Variants in ARHGEF4 observed in about 807,000 individuals in gnomAD.
The protein encoded by ARHGEF4 is Rho guanine nucleotide exchange factor 4, also known as APC-stimulated guanine nucleotide exchange factor 1.
In ARHGEF4, 119 loss-of-function variants were observed where a neutral mutation model predicts 162.0. That is an observed-to-expected ratio of 0.73 (90% CI 0.63 to 0.86). ARHGEF4 has a LOEUF of 0.86. ARHGEF4 is among the 40% of genes least tolerant of loss of function. ARHGEF4 has a pLI of 0.00. For missense variants in ARHGEF4, 2,488 were observed against 2,456.0 expected, an observed-to-expected ratio of 1.01 and a Z score of -0.28; for synonymous variants, 1,014 against 979.9, an observed-to-expected ratio of 1.03 and a Z score of -0.65.
chr2:131,039,581 A>T, intron 6 of ARHGEF4: 1 of 1,036,590 alleles, frequency 9.6e-7, no homozygotes, highest in Non-Finnish European at 1.2e-6. Flanking sequence ...CCTGGTGTTC[A>T]GATGCTCCTC....
chr2:130,915,798 C>G lies in ARHGEF4; in HGVS notation c.1852C>G (p.Pro618Ala). The change falls in exon 2 of 14, where the codon CCC becomes GCC. Residue 618 changes from proline (P) to alanine (A), a missense_variant. By Grantham distance (27) the Pro-to-Ala change is conservative. This residue lies in a region of ARHGEF4 where 1,642 missense variants were observed against 1,481.5 expected (regional missense o/e 1.11). Coordinates refer to ENST00000409359, the MANE Select transcript of ARHGEF4 (RefSeq NM_001367493.1). ...GGGTGCCGGGGGCCGGCAGCTGGAG[C>G]CCAAAGCAGGCGGCGAGGCCTCGAG... ...PGGAGGRQLE[P>A]KAGGEASRGR... 1.3e-6 allele frequency: 2 copies of G among 1,525,446 alleles called. No homozygotes were observed. Among genetic ancestry groups the G allele is most frequent in the Non-Finnish European group, 1.8e-6 (2 of 1,135,006 alleles). The allele number at this position is 1,525,446 out of a possible 1,614,324, so 94.5% of individuals were successfully genotyped here.
chr2:130,989,430 T>C (rs1427024099), intron 4 of ARHGEF4, among the ~76,000 whole-genome samples: 1 of 152,236 alleles, frequency 6.6e-6, no homozygotes, highest in Non-Finnish European at 1.5e-5. Context: ...CAATCACTTA[T>C]TAGAGCTGTT....
At chr2:130,947,700 G>T (rs947779415) in intron 4 of ARHGEF4, among the ~76,000 whole-genome samples, 6 of 152,174 alleles carry the variant, frequency 3.9e-5, no homozygotes, top group Non-Finnish European at 7.3e-5. Context: ...AGGGAATTGG[G>T]CCGCAGGTGA....
chr2:130,845,144 G>A (rs941140396), intron 1 of ARHGEF4, among the ~76,000 whole-genome samples: 2 of 151,766 alleles, frequency 1.3e-5, no homozygotes, highest in African/African-American at 4.8e-5. Flanking sequence ...AACCAGTGGG[G>A]TTGAATGGAA....
At chr2:131,009,564 A>G (rs1490881532) in intron 4 of ARHGEF4, among the ~76,000 whole-genome samples, 1 of 152,018 alleles carries the variant, frequency 6.6e-6, no homozygotes, top group East Asian at 1.9e-4. Context: ...TCTTTTTCAA[A>G]TTGGATCATT....
At chr2:130,882,384 G>A (rs2104963087) in intron 1 of ARHGEF4, among the ~76,000 whole-genome samples, 1 of 152,190 alleles carries the variant, frequency 6.6e-6, no homozygotes, top group East Asian at 1.9e-4. Context: ...GACGCCCGTG[G>A]TCAGGTTCCA....
At chr2:130,989,100 T>C (rs2105276674) in intron 4 of ARHGEF4, among the ~76,000 whole-genome samples, 1 of 152,222 alleles carries the variant, frequency 6.6e-6, no homozygotes, top group African/African-American at 2.4e-5. Flanking sequence ...TAGCTGGGAC[T>C]ACAGGCATGC....
intron 3 of ARHGEF4, among the ~76,000 whole-genome samples, chr2:130,931,771 G>A (rs371780091): frequency 3.8e-4 from 58 of 152,266 alleles, no homozygotes; most frequent in African/African-American, 1.4e-3. Context: ...TAAATTAATG[G>A]TGTAGACATC....
At chr2:130,876,210 G>A (rs1036394180) in intron 1 of ARHGEF4, among the ~76,000 whole-genome samples, 2 of 152,112 alleles carry the variant, frequency 1.3e-5, no homozygotes, top group Non-Finnish European at 2.9e-5. Context: ...CAGCCTCCTG[G>A]GGGCACAGGC....
At chr2:130,956,038 G>T (rs922017634) in intron 4 of ARHGEF4, among the ~76,000 whole-genome samples, 12 of 152,198 alleles carry the variant, frequency 7.9e-5, no homozygotes, top group Non-Finnish European at 1.8e-4. Context: ...GGAGCCCTTG[G>T]GGAGGGAGAG....
At chr2:130,960,156 T>TA (rs199744101) in intron 4 of ARHGEF4, among the ~76,000 whole-genome samples, 3 of 151,216 alleles carry the variant, frequency 2.0e-5, no homozygotes, top group African/African-American at 4.9e-5. Context: ...ATAATGGAGC[T>TA]AAAAAAAAAT....
intron 4 of ARHGEF4, among the ~76,000 whole-genome samples, chr2:131,020,596 G>C (rs1689060741): frequency 6.6e-6 from 1 of 152,070 alleles, no homozygotes; most frequent in African/African-American, 2.4e-5. Flanking sequence ...TGTCGTTGTT[G>C]GACATTTGGG....
At chr2:130,981,748 G>A (rs1222871809) in intron 4 of ARHGEF4, among the ~76,000 whole-genome samples, 1 of 151,872 alleles carries the variant, frequency 6.6e-6, no homozygotes, top group Non-Finnish European at 1.5e-5. Context: ...GGAGGCTGCA[G>A]TGTTACCCAG....
chr2:130,860,524 C>T (rs1348315989), intron 1 of ARHGEF4, among the ~76,000 whole-genome samples: 1 of 87,280 alleles, frequency 1.1e-5, no homozygotes, highest in South Asian at 4.5e-4. Flanking sequence ...CTGGCAAACA[C>T]GGTGAAACCC....
At chr2:130,977,444 G>A (rs1392703647) in intron 4 of ARHGEF4, among the ~76,000 whole-genome samples, 5 of 151,716 alleles carry the variant, frequency 3.3e-5, no homozygotes, top group African/African-American at 1.2e-4. Context: ...TGTGGTGTAT[G>A]TTGCGTGTGT....
chr2:130,884,647 GTAAA>G, intron 1 of ARHGEF4, among the ~76,000 whole-genome samples: 1 of 152,112 alleles, frequency 6.6e-6, no homozygotes, highest in African/African-American at 2.4e-5. Flanking sequence ...GCTGGACGAA[GTAAA>G]ACATTTAGAA....
intron 4 of ARHGEF4, among the ~76,000 whole-genome samples, chr2:130,976,896 T>C (rs1685754834): frequency 6.6e-6 from 1 of 151,994 alleles, no homozygotes; most frequent in South Asian, 2.1e-4. Flanking sequence ...GTGTGTGGTA[T>C]GCATTAGTGT....
At chr2:130,931,612 T>C (rs1367572502) in intron 3 of ARHGEF4, among the ~76,000 whole-genome samples, 3 of 152,218 alleles carry the variant, frequency 2.0e-5, no homozygotes, top group Non-Finnish European at 2.9e-5. Flanking sequence ...TGCCCTAGCA[T>C]TGGCTCTGCC....
chr2:130,913,118 T>C (rs1470197637), intron 1 of ARHGEF4, among the ~76,000 whole-genome samples: 1 of 152,132 alleles, frequency 6.6e-6, no homozygotes, highest in Non-Finnish European at 1.5e-5. Context: ...CCCCTGTGGA[T>C]AAGGGTGGCT....
Sources: gnomAD v4.1 joint callset for allele counts (sites outside exome capture counted in the v4.1 genomes callset) on GRCh38, gnomAD v4.1.1 for gene constraint, gnomAD v4.1.1 regional missense constraint, MANE v1.5 for transcripts, NCBI Gene and HGNC (gene_info 2026-07-23, HGNC 2026-07-21) for gene names.